Variants in ASNS observed in about 807,000 individuals in gnomAD.
ASNS encodes the protein asparagine synthetase [glutamine-hydrolyzing].
A neutral mutation model predicts 62.6 loss-of-function variants in ASNS; 37 were observed. The ratio of observed to expected loss-of-function variants is 0.59; its 90% confidence interval spans 0.45 to 0.78. The LOEUF (loss-of-function observed/expected upper bound fraction) is 0.78. Ranked by LOEUF, ASNS falls within the 30% of genes least tolerant of loss-of-function variation. The pLI is 0.00. For synonymous variants in ASNS, 207 were observed against 237.9 expected (o/e 0.87, Z 1.19); for missense variants, 520 against 682.4 (o/e 0.76, Z 2.65).
upstream of ASNS, among the ~76,000 whole-genome samples, chr7:97,875,881 G>A (rs1792428432): frequency 6.6e-6 from 1 of 150,576 alleles, no homozygotes; most frequent in South Asian, 2.1e-4. Context: ...TTTTGAGACA[G>A]AGTCTTACTC....
the ASNS span, among the ~76,000 whole-genome samples, chr7:97,914,203 GA>G: frequency 2.6e-5 from 4 of 150,988 alleles, no homozygotes. Context: ...TGGATGGATG[GA>G]TGGAATGGTG....
At chr7:97,885,050 G>A in the ASNS span, among the ~76,000 whole-genome samples, 7 of 152,158 alleles carry the variant, frequency 4.6e-5, no homozygotes, top group South Asian at 1.2e-3. Context: ...GTGTCACCAC[G>A]CCCATCTAAT....
At chr7:97,861,884 AAATTT>A (rs1362609234) in intron 4 of ASNS, among the ~76,000 whole-genome samples, 1 of 152,210 alleles carries the variant, frequency 6.6e-6, no homozygotes, top group Non-Finnish European at 1.5e-5. Flanking sequence ...TACACTTCTT[AAATTT>A]ATTTCTAAGT....
the ASNS span, among the ~76,000 whole-genome samples, chr7:97,903,638 T>G: frequency 6.6e-6 from 1 of 152,250 alleles, no homozygotes; most frequent in Non-Finnish European, 1.5e-5. Context: ...GATGGACTTT[T>G]TCTTTACTCA....
the ASNS span, among the ~76,000 whole-genome samples, chr7:97,897,776 T>C: frequency 6.6e-6 from 1 of 152,114 alleles, no homozygotes. Flanking sequence ...AAAAAAGATA[T>C]CAGTGTATCA....
chr7:97,874,646 C>T (rs530109274), upstream of ASNS, among the ~76,000 whole-genome samples: 455 of 152,368 alleles, frequency 3.0e-3, no homozygotes, highest in Non-Finnish European at 1.3e-3. Context: ...ATGGCTTCAG[C>T]TGGTCCCTCC....
chr7:97,882,333 G>A, the ASNS span, among the ~76,000 whole-genome samples: 1 of 152,102 alleles, frequency 6.6e-6, no homozygotes, highest in Admixed American at 6.5e-5. Flanking sequence ...CGGATCACGA[G>A]GTCAGGAGAT....
At chr7:97,866,847 G>A (rs1791997186) in intron 3 of ASNS, among the ~76,000 whole-genome samples, 2 of 152,102 alleles carry the variant, frequency 1.3e-5, no homozygotes, top group Admixed American at 6.6e-5. Context: ...GCTCTATCAG[G>A]GATGATCTGT....
At chr7:97,891,288 C>T in the ASNS span, among the ~76,000 whole-genome samples, 4 of 152,302 alleles carry the variant, frequency 2.6e-5, no homozygotes, top group South Asian at 8.3e-4. Flanking sequence ...AAAGACCTGC[C>T]CCCATGACTC....
chr7:97,912,008 C>T, the ASNS span, among the ~76,000 whole-genome samples: 126,708 of 151,942 alleles, frequency 0.83, 53,072 homozygotes, highest in East Asian at 0.91. Context: ...GGTCCAAATG[C>T]ATTCATCTCT....
chr7:97,896,707 TATATAC>T, the ASNS span, among the ~76,000 whole-genome samples: 155 of 27,626 alleles, frequency 5.6e-3, 4 homozygotes, highest in South Asian at 0.012. Flanking sequence ...TATGTGTATA[TATATAC>T]ACACACACAC....
chr7:97,853,127 A>C lies in ASNS; in HGVS notation c.1409T>G (p.Phe470Cys), dbSNP rs1474217054. The change falls in exon 12 of 13, where the codon TTC (phenylalanine) becomes TGC (cysteine). Residue 470 changes from phenylalanine to cysteine, a missense_variant. Transcript: ENST00000394308. The part of the protein sequence containing the change: ...KEILWRPKEA[F>C]SDGITSVKNS... ...CTTAACTGAAGTTATTCCATCACTG[A>C]AGGCTTCTTTTGGTCGCCAGAGAAT... 1.7e-5 allele frequency: 28 copies of C among 1,611,436 alleles called. No individual in the cohort carries two copies. Among genetic ancestry groups the C allele is most frequent in the Non-Finnish European group, 2.3e-5 (27 of 1,179,244 alleles).
chr7:97,885,944 TG>T, the ASNS span: 1 of 592,200 alleles, frequency 1.7e-6, no homozygotes. Context: ...ATGATGCCAG[TG>T]GGACCTGCTC....
the ASNS span, among the ~76,000 whole-genome samples, chr7:97,912,807 C>G: frequency 6.6e-6 from 1 of 151,518 alleles, no homozygotes; most frequent in African/African-American, 2.4e-5. Context: ...GTATCAAACT[C>G]CTGGCCTCAA....
chr7:97,924,184 G>A, the ASNS span, among the ~76,000 whole-genome samples: 2 of 152,248 alleles, frequency 1.3e-5, no homozygotes, highest in African/African-American at 4.8e-5. Flanking sequence ...GGAGGGGCTT[G>A]AAATGTCCAG....
Position 97,851,925 on chromosome 7 carries a change from G to A in ASNS, c.*334C>T, listed in dbSNP as rs903739022. 9.7e-6 allele frequency: 3 copies of A among 308,578 alleles called. No homozygotes were observed. Among genetic ancestry groups the A allele is most frequent in the African/African-American group, 4.3e-5 (2 of 46,570 alleles). 19.1% of individuals were successfully genotyped at this position (308,578 alleles called of 1,614,324 possible). The stretch of plus-strand genomic sequence containing the variant: ...CCTTTGATGACGTCCCTAAGATGAG[G>A]CAAGGACTGGAAGGAAGCCACACGG... On this transcript the variant is annotated 3_prime_UTR_variant, in exon 13 of 13. Coordinates refer to ENST00000394308, the MANE Select transcript of ASNS (RefSeq NM_001673.5).
the ASNS span, among the ~76,000 whole-genome samples, chr7:97,925,962 T>C: frequency 6.6e-6 from 1 of 152,090 alleles, no homozygotes; most frequent in Non-Finnish European, 1.5e-5. Context: ...CCAGGTTTTC[T>C]AGGCGTCTTA....
chr7:97,881,770 G>C, the ASNS span, among the ~76,000 whole-genome samples: 2 of 152,168 alleles, frequency 1.3e-5, no homozygotes, highest in Non-Finnish European at 2.9e-5. Flanking sequence ...GATGAAATAA[G>C]GCAGCCAGGG....
chr7:97,905,853 G>C, the ASNS span, among the ~76,000 whole-genome samples: 3 of 152,148 alleles, frequency 2.0e-5, no homozygotes, highest in Non-Finnish European at 4.4e-5. Flanking sequence ...TCATGCTTAA[G>C]TCTCCACATG....
Sources: allele counts gnomAD v4.1 joint callset (sites outside exome capture counted in the v4.1 genomes callset), GRCh38; gene constraint gnomAD v4.1.1; transcripts MANE v1.5; gene names NCBI Gene and HGNC (gene_info 2026-07-23, HGNC 2026-07-21).